Variants in OR2AP1 observed in about 807,000 individuals in gnomAD.
OR2AP1 encodes olfactory receptor family 2 subfamily AP member 1, also known as olfactory receptor 2AP1.
OR2AP1 carries 20 observed loss-of-function variants against 13.9 expected under a neutral mutation model. The ratio of observed to expected loss-of-function variants is 1.44; its 90% CI spans 1.01 to 2.09. OR2AP1 has a LOEUF of 2.09. Ranked by LOEUF, OR2AP1 falls within the 30% of genes most tolerant of loss-of-function variation. The pLI, the probability that OR2AP1 is intolerant of heterozygous loss-of-function variation, is 0.00. For synonymous variants in OR2AP1, 174 were observed against 137.0 expected (o/e 1.27, Z -1.89); for missense variants, 490 against 360.6 (o/e 1.36, Z -2.91).
chr12:55,574,355 C>T lies in OR2AP1; in HGVS notation c.-60C>T, dbSNP rs1008186609. ...ATCCGTTCATTTCAGAGCACCTCTT[C>T]CTTTCTCACTTTTGATTACTACTCT... On this transcript the variant is annotated 5_prime_UTR_variant, in exon 2 of 2. Coordinates refer to ENST00000641114, the MANE Select transcript of OR2AP1 (RefSeq NM_001258285.2). 2.4e-6 allele frequency: 2 copies of T among 848,586 alleles called. No individual in the cohort carries two copies. The highest frequency in any genetic ancestry group is 2.7e-5 in the Admixed American group (1 of 36,404). 52.6% of individuals were successfully genotyped at this position (848,586 alleles called of 1,614,324 possible). A position where few individuals can be genotyped will look rare whatever the true frequency, so the allele number is the denominator to read the frequency against.
chr12:55,574,643 C>A lies in OR2AP1; in HGVS notation c.229C>A (p.Pro77Thr), dbSNP rs770288943. The A allele has an allele frequency of 5.2e-6, 8 of 1,543,954 alleles. No homozygotes were observed. The highest frequency in any genetic ancestry group is 6.1e-6 in the Non-Finnish European group (7 of 1,148,730). The stretch of plus-strand genomic sequence containing the variant: ...AATTTCCTTCACAAACATCTTCATT[C>A]CAAGGGTCCTGATTAGCATCACAAC... ...LEISFTNIFI[P>T]RVLISITTGN... Residue 77 changes from proline to threonine, a missense_variant, in exon 2 of 2, where the codon CCA becomes ACA. By Grantham distance (38) the Pro-to-Thr change is conservative (BLOSUM62 -1). Coordinates refer to ENST00000641114, the MANE Select transcript of OR2AP1 (RefSeq NM_001258285.2).
In OR2AP1 at chr12:55,574,584, T is replaced by C; in HGVS notation, c.170T>C (p.Met57Thr). 6.5e-7 allele frequency: 1 copy of C among 1,540,558 alleles called. No individual in the cohort carries two copies. Reference protein sequence around the residue: ...TLLDSHLQTPMYFFLRNFSFL... With the variant: ...TLLDSHLQTPTYFFLRNFSFL... The stretch of plus-strand genomic sequence containing the variant: ...CTGGACTCCCACCTTCAGACTCCCA[T>C]GTATTTCTTTCTCCGGAACTTCTCC... Residue 57 changes from methionine (M) to threonine (T), a missense_variant, in exon 2 of 2, where the codon ATG (methionine) becomes ACG (threonine). Transcript: ENST00000641114.
chr12:55,573,032 G>C (rs1245347620), intron 1 of OR2AP1, among the ~76,000 whole-genome samples: 1 of 151,974 alleles, frequency 6.6e-6, no homozygotes, highest in African/African-American at 2.4e-5. Context: ...ATAATAATTA[G>C]CTAGGCATGG....
chr12:55,574,229 G>T lies in OR2AP1; in HGVS notation c.-186G>T, dbSNP rs977082641. 5.5e-5 allele frequency: 32 copies of T among 581,698 alleles called. No homozygotes were observed. Among genetic ancestry groups the T allele is most frequent in the Non-Finnish European group, 8.2e-5 (27 of 330,248 alleles). The allele number at this position is 581,698 out of a possible 1,614,324, so 36.0% of individuals were successfully genotyped here. On this transcript the variant is annotated 5_prime_UTR_variant, in exon 2 of 2. Transcript: ENST00000641114. ...GAACTTTCCTCCATAGGGCAAATGG[G>T]ACTGGGAAGGATCCAACATCATTCA...
At position 55,575,062 on chromosome 12, in the gene OR2AP1, T is replaced by A. The variant is rs758817868; in HGVS notation, c.648T>A (p.Tyr216Ter). The change falls in exon 2 of 2, where the codon TAT becomes TAA. Residue 216 changes from tyrosine to a stop codon, truncating the protein, a stop_gained. Transcript: ENST00000641114. LOFTEE classifies it high-confidence loss of function. ...CTCTGGTGCTAGTGATTCTCTCCTA[T>A]GCATTCATTATCAAGACTATTCTGA... ...VVTLVLVILSYAFIIKTILKL... is the reference protein window; with the variant it reads ...VVTLVLVILS 2 of 1,545,756 alleles carry A rather than the reference T, an allele frequency of 1.3e-6. No homozygotes were observed. The highest frequency in any genetic ancestry group is 1.2e-5 in the South Asian group (1 of 84,914).
At position 55,574,900 on chromosome 12, in the gene OR2AP1, T is replaced by A; in HGVS notation, c.486T>A (p.Ser162Arg). 2 of 1,542,774 alleles carry A rather than the reference T, an allele frequency of 1.3e-6. No individual in the cohort carries two copies. The highest frequency in any genetic ancestry group is 1.7e-6 in the Non-Finnish European group (2 of 1,148,108). Reference sequence around the variant, plus strand: ...TTATACCAACAATCACCCTGATGAGTCAGCAGGACTTTTGTGCATCCAACA... The same window carrying A: ...TTATACCAACAATCACCCTGATGAGACAGCAGGACTTTTGTGCATCCAACA... ...MAIIPTITLM[S>R]QQDFCASNRL... Residue 162 changes from serine (S) to arginine (R), a missense_variant, in exon 2 of 2, where the codon AGT (serine) becomes AGA (arginine). Physicochemically the swap from Ser to Arg is moderately radical, Grantham distance 110. Coordinates refer to ENST00000641114, the MANE Select transcript of OR2AP1 (RefSeq NM_001258285.2).
At position 55,574,481 on chromosome 12, in the gene OR2AP1, G is replaced by T. The variant is rs957493679; in HGVS notation, c.67G>T (p.Val23Leu). Residue 23 changes from valine to leucine, a missense_variant, in exon 2 of 2, where the codon GTG becomes TTG. Transcript: ENST00000641114. Reference sequence around the variant, plus strand: ...TCTAACAGATGTCCCTGAACTCCAGGTGGCAGTTTTCACCTTTCTTTTCCT... The same window carrying T: ...TCTAACAGATGTCCCTGAACTCCAGTTGGCAGTTTTCACCTTTCTTTTCCT... ...LGLTDVPELQ[V>L]AVFTFLFLAY... 1.3e-6 allele frequency: 2 copies of T among 1,536,240 alleles called. No individual in the cohort carries two copies.
At position 55,574,485 on chromosome 12, in the gene OR2AP1, C is replaced by T; in HGVS notation, c.71C>T (p.Ala24Val). Residue 24 changes from alanine (A) to valine (V), a missense_variant, in exon 2 of 2, where the codon GCA (alanine) becomes GTA (valine). By Grantham distance (64) the Ala-to-Val change is moderately conservative (BLOSUM62 0). Transcript: ENST00000641114. ...GLTDVPELQV[A>V]VFTFLFLAYL... The stretch of plus-strand genomic sequence containing the variant: ...ACAGATGTCCCTGAACTCCAGGTGG[C>T]AGTTTTCACCTTTCTTTTCCTTGCG... The T allele has an allele frequency of 6.5e-7, 1 of 1,535,914 alleles. No individual in the cohort carries two copies. The highest frequency in any genetic ancestry group is 1.7e-4 in the Middle Eastern group (1 of 5,986).
At position 55,574,488 on chromosome 12, in the gene OR2AP1, T is replaced by C; in HGVS notation, c.74T>C (p.Val25Ala). Residue 25 changes from valine to alanine, a missense_variant, in exon 2 of 2, where the codon GTT becomes GCT. Physicochemically the swap from Val to Ala is moderately conservative, Grantham distance 64. Transcript: ENST00000641114. ...LTDVPELQVAVFTFLFLAYLL... is the reference protein window; with the variant it reads ...LTDVPELQVAAFTFLFLAYLL... ...GATGTCCCTGAACTCCAGGTGGCAG[T>C]TTTCACCTTTCTTTTCCTTGCGTAT... 1 of 1,536,440 alleles carries C rather than the reference T, an allele frequency of 6.5e-7. No individual in the cohort carries two copies. Among genetic ancestry groups the C allele is most frequent in the Non-Finnish European group, 8.7e-7 (1 of 1,146,464 alleles).
Position 55,575,134 on chromosome 12 carries a change from T to C in OR2AP1, c.720T>C (p.Ser240=), listed in dbSNP as rs567963577. 2 of 1,600,280 alleles carry C rather than the reference T, an allele frequency of 1.2e-6. No homozygotes were observed. The highest frequency in any genetic ancestry group is 2.2e-5 in the South Asian group (2 of 90,458). Reference sequence around the variant, plus strand: ...GGACAAAAGCCTTTTCCACATGTTCTTCCCACATGATTGTCATCTCCCTCT... The same window carrying C: ...GGACAAAAGCCTTTTCCACATGTTCCTCCCACATGATTGTCATCTCCCTCT... ...QQRTKAFSTC[S]SHMIVISLSY... is the part of the protein sequence containing the mutation. Residue 240 remains serine, a synonymous_variant, in exon 2 of 2, where the codon TCT becomes TCC. Coordinates refer to ENST00000641114, the MANE Select transcript of OR2AP1 (RefSeq NM_001258285.2).
At chr12:55,572,749 T>C (rs1037730139) in intron 1 of OR2AP1, 127 bp downstream of exon 1, 10 of 152,154 alleles carry the variant, frequency 6.6e-5, no homozygotes, top group Non-Finnish European at 1.2e-4. Flanking sequence ...TAAAGTTTGT[T>C]CCCTAAGTTA....
rs777440430 is a variant in OR2AP1, at chr12:55,574,795, T to C, written c.381T>C (p.Pro127=). Residue 127 remains proline, a synonymous_variant, in exon 2 of 2, where the codon CCT becomes CCC. Transcript: ENST00000641114. Reference sequence around the variant, plus strand: ...ACCGCTATGTGGCCATCTGCAAACCTCTGCATTACACCACCATCATGAGCA... The same window carrying C: ...ACCGCTATGTGGCCATCTGCAAACCCCTGCATTACACCACCATCATGAGCA... The part of the protein sequence containing the change: ...SYDRYVAICK[P]LHYTTIMSSR... 14 of 1,608,028 alleles carry C rather than the reference T, an allele frequency of 8.7e-6. No homozygotes were observed. The highest frequency in any genetic ancestry group is 1.6e-4 in the Middle Eastern group (1 of 6,076).
Position 55,574,538 on chromosome 12 carries a change from A to T in OR2AP1, c.124A>T (p.Thr42Ser), listed in dbSNP as rs62623428. 8.3e-4 allele frequency: 1,276 copies of T among 1,538,828 alleles called. No individual in the cohort carries two copies. The highest frequency in any genetic ancestry group is 1.0e-3 in the Non-Finnish European group (1,194 of 1,147,800). Residue 42 changes from threonine (T) to serine (S), a missense_variant, in exon 2 of 2, where the codon ACT becomes TCT. Physicochemically the swap from Thr to Ser is moderately conservative, Grantham distance 58. Transcript: ENST00000641114. Reference sequence around the variant, plus strand: ...TTTACTCAGCATCCTTGGAAATCTGACTATCCTCATCCTCACCTTGCTGGA... The same window carrying T: ...TTTACTCAGCATCCTTGGAAATCTGTCTATCCTCATCCTCACCTTGCTGGA... Reference protein sequence around the residue: ...AYLLSILGNLTILILTLLDSH... With the variant: ...AYLLSILGNLSILILTLLDSH...
Position 55,574,925 on chromosome 12 carries a change from A to C in OR2AP1, c.511A>C (p.Arg171=), listed in dbSNP as rs780840616. The change falls in exon 2 of 2, where the codon AGA becomes CGA. Residue 171 remains arginine, a synonymous_variant. Transcript: ENST00000641114. ...MSQQDFCASN[R]LNHYFCDYEP... is the part of the protein sequence containing the mutation. ...TCAGCAGGACTTTTGTGCATCCAAC[A>C]GACTGAATCATTACTTCTGTGACTA... 3.2e-6 allele frequency: 5 copies of C among 1,539,036 alleles called. No homozygotes were observed. Among genetic ancestry groups the C allele is most frequent in the Non-Finnish European group, 4.4e-6 (5 of 1,147,182 alleles).
At chr12:55,573,022 A>T (rs1221286123) in intron 1 of OR2AP1, among the ~76,000 whole-genome samples, 1 of 152,064 alleles carries the variant, frequency 6.6e-6, no homozygotes, top group Non-Finnish European at 1.5e-5. Flanking sequence ...AAAATAAAAA[A>T]TAATAATTAG....
intron 1 of OR2AP1, among the ~76,000 whole-genome samples, chr12:55,572,904 G>A (rs1189045879): frequency 6.6e-6 from 1 of 152,156 alleles, no homozygotes; most frequent in Non-Finnish European, 1.5e-5. Flanking sequence ...CAGGTACAGT[G>A]CCTCACATCT....
At chr12:55,574,183 A>G (rs542535380) in intron 1 of OR2AP1, 37 bp from the exon 2 acceptor site, 1 of 515,812 alleles carries the variant, frequency 1.9e-6, no homozygotes, top group Admixed American at 3.6e-5. Flanking sequence ...GGGAGAGTAC[A>G]ATGTGGAAAC....
chr12:55,573,341 A>G (rs1874470632), intron 1 of OR2AP1, among the ~76,000 whole-genome samples: 1 of 152,196 alleles, frequency 6.6e-6, no homozygotes, highest in African/African-American at 2.4e-5. Flanking sequence ...TAAAAACATA[A>G]CTAGAAAGAA....
In OR2AP1 at chr12:55,575,015, G is replaced by A; in HGVS notation, c.601G>A (p.Ala201Thr). 2 of 1,537,880 alleles carry A rather than the reference G, an allele frequency of 1.3e-6. No individual in the cohort carries two copies. Among genetic ancestry groups the A allele is most frequent in the Middle Eastern group, 1.7e-4 (1 of 5,986 alleles). Residue 201 changes from alanine to threonine, a missense_variant, in exon 2 of 2, where the codon GCA (alanine) becomes ACA (threonine). Physicochemically the swap from Ala to Thr is moderately conservative, Grantham distance 58 (BLOSUM62 0). Coordinates refer to ENST00000641114, the MANE Select transcript of OR2AP1 (RefSeq NM_001258285.2). The part of the protein sequence containing the change: ...SLIEKVVFLV[A>T]SVTLVVTLVL... ...CATAGAGAAGGTTGTCTTTCTTGTGGCATCTGTGACCCTGGTGGTCACTCT... is the reference window on the plus strand; with the variant it reads ...CATAGAGAAGGTTGTCTTTCTTGTGACATCTGTGACCCTGGTGGTCACTCT...
Sources: allele counts gnomAD v4.1 joint callset (sites outside exome capture counted in the v4.1 genomes callset), GRCh38; gene constraint gnomAD v4.1.1; transcripts MANE v1.5; gene names NCBI Gene and HGNC (gene_info 2026-07-23, HGNC 2026-07-21).